Variants in ARID4B observed in about 807,000 individuals in gnomAD.
ARID4B encodes AT-rich interactive domain-containing protein 4B.
ARID4B carries 26 observed loss-of-function variants against 147.5 expected under a neutral mutation model. The ratio of observed to expected loss-of-function variants is 0.18; its 90% CI spans 0.13 to 0.24. ARID4B has a LOEUF of 0.24. Ranked by LOEUF, ARID4B falls within the 10% of genes least tolerant of loss-of-function variation. The pLI, the probability that ARID4B is intolerant of heterozygous loss-of-function variation, is 1.00. For missense variants in ARID4B, 1,179 were observed against 1,511.5 expected, an observed-to-expected ratio of 0.78 and a Z score of 3.65; for synonymous variants, 512 against 507.9, an observed-to-expected ratio of 1.01 and a Z score of -0.11.
chr1:235,192,830 G>A (rs541287540), intron 19 of ARID4B, among the ~76,000 whole-genome samples: 2 of 152,270 alleles, frequency 1.3e-5, no homozygotes, highest in African/African-American at 4.8e-5. Flanking sequence ...GTCAGGCCAG[G>A]CGCGGTGGCT....
In ARID4B at chr1:235,261,430, G is replaced by T. The variant is rs182331986; in HGVS notation, c.7-678C>A. 5.7e-3 allele frequency among the ~76,000 whole-genome samples: 864 copies of T among 152,218 alleles called. 13 individuals carry two copies. Among genetic ancestry groups the T allele is most frequent in the African/African-American group, 0.02 (826 of 41,546 alleles). ...TCCTAGCTACTTGGGAGACTGAAGTGGGAGGAGTGCTTGAGCCCAAGAGGT... is the reference window on the plus strand; with the variant it reads ...TCCTAGCTACTTGGGAGACTGAAGTTGGAGGAGTGCTTGAGCCCAAGAGGT... On this transcript the variant is annotated intron_variant, in intron 2 of 23. Transcript: ENST00000264183.
intron 2 of ARID4B, among the ~76,000 whole-genome samples, chr1:235,288,010 A>ATGT (rs1672097212): frequency 6.6e-6 from 1 of 152,214 alleles, no homozygotes; most frequent in Non-Finnish European, 1.5e-5. Context: ...TGTAAAAATA[A>ATGT]TAAAACATTA....
intron 2 of ARID4B, among the ~76,000 whole-genome samples, chr1:235,307,100 A>G (rs1205322221): frequency 6.6e-6 from 1 of 152,174 alleles, no homozygotes; most frequent in Non-Finnish European, 1.5e-5. Context: ...AAAAAATTAT[A>G]ATGGGGGAAG....
intron 2 of ARID4B, among the ~76,000 whole-genome samples, chr1:235,315,322 T>G (rs1339429292): frequency 1.3e-5 from 2 of 152,156 alleles, no homozygotes; most frequent in African/African-American, 2.4e-5. Flanking sequence ...CTCAGCTACT[T>G]GGGTGACTGA....
chr1:235,263,960 C>G (rs1186987635), intron 2 of ARID4B, among the ~76,000 whole-genome samples: 1 of 151,580 alleles, frequency 6.6e-6, no homozygotes, highest in Non-Finnish European at 1.5e-5. Context: ...TGCCACTGCA[C>G]TCCAGCCTGG....
intron 6 of ARID4B, among the ~76,000 whole-genome samples, chr1:235,250,066 C>T (rs957759332): frequency 6.6e-6 from 1 of 151,972 alleles, no homozygotes; most frequent in Non-Finnish European, 1.5e-5. Flanking sequence ...GAGATCGCAC[C>T]ACTGCACTCC....
chr1:235,219,486 G>A (rs1382614217), intron 16 of ARID4B, among the ~76,000 whole-genome samples: 1 of 151,994 alleles, frequency 6.6e-6, no homozygotes, highest in Non-Finnish European at 1.5e-5. Flanking sequence ...TATAAAACAT[G>A]GACATAGCCC....
intron 20 of ARID4B, among the ~76,000 whole-genome samples, chr1:235,178,791 T>C (rs1664067105): frequency 6.6e-6 from 1 of 152,198 alleles, no homozygotes; most frequent in African/African-American, 2.4e-5. Context: ...ACCTTCTGTG[T>C]ATAAAACCTA....
At chr1:235,283,317 C>A (rs1671780825) in intron 2 of ARID4B, among the ~76,000 whole-genome samples, 2 of 151,858 alleles carry the variant, frequency 1.3e-5, no homozygotes, top group Admixed American at 1.3e-4. Flanking sequence ...AACTTAACAC[C>A]CTCTTAAAAA....
intron 2 of ARID4B, among the ~76,000 whole-genome samples, chr1:235,323,666 T>C (rs1378737195): frequency 6.6e-6 from 1 of 151,306 alleles, no homozygotes; most frequent in Non-Finnish European, 1.5e-5. Context: ...TGCCTATAAT[T>C]CCAGTTACTC....
intron 2 of ARID4B, among the ~76,000 whole-genome samples, chr1:235,297,940 C>T (rs966494432): frequency 2.2e-4 from 33 of 152,104 alleles, no homozygotes; most frequent in African/African-American, 7.7e-4. Context: ...CTAATGTAAA[C>T]GAACAAATTG....
At chr1:235,210,563 G>T (rs181126377) in intron 17 of ARID4B, among the ~76,000 whole-genome samples, 14 of 152,242 alleles carry the variant, frequency 9.2e-5, no homozygotes, top group Admixed American at 9.1e-4. Context: ...ATTGCAGAAA[G>T]AAATAAAATA....
chr1:235,299,622 C>T (rs1161241713), intron 2 of ARID4B, among the ~76,000 whole-genome samples: 1 of 152,212 alleles, frequency 6.6e-6, no homozygotes, highest in Non-Finnish European at 1.5e-5. Flanking sequence ...GAAACAAATG[C>T]TTCTTGCCTA....
intron 2 of ARID4B, among the ~76,000 whole-genome samples, chr1:235,264,545 T>C (rs1275809664): frequency 1.3e-5 from 2 of 152,236 alleles, no homozygotes; most frequent in East Asian, 1.9e-4. Context: ...CTAGATGAGT[T>C]TTTGTAGGCT....
rs1460122127 is a variant in ARID4B at position 235,181,764 on chromosome 1, G to C, written c.3155C>G (p.Ala1052Gly). ...ACTTCGAACCTCTTCTTGGTTTGGA[G>C]CCAGTGGTTCTGATACTGTTACAGA... ...QSSVTVSEPL[A>G]PNQEEVRSIK... The change falls in exon 20 of 24, where the codon GCT (alanine) becomes GGT (glycine). Residue 1052 changes from alanine to glycine, a missense_variant. Physicochemically the swap from Ala to Gly is moderately conservative, Grantham distance 60. Transcript: ENST00000264183. 6 of 1,614,042 alleles carry C rather than the reference G, an allele frequency of 3.7e-6. No individual in the cohort carries two copies. The highest frequency in any genetic ancestry group is 5.1e-6 in the Non-Finnish European group (6 of 1,180,040).
chr1:235,238,676 G>A (rs1248834027), intron 8 of ARID4B, among the ~76,000 whole-genome samples: 5 of 152,032 alleles, frequency 3.3e-5, no homozygotes, highest in Non-Finnish European at 7.4e-5. Context: ...GGCAGCATAG[G>A]GAGACCTCGT....
rs1483426691 is a variant in ARID4B, at chr1:235,213,868, C to T, written c.1742G>A (p.Arg581Gln). ...PGMKVQVRYG[R>Q]GKNQKMYEAS... ...TTCATACATTTTTTGATTTTTCCCT[C>T]GTCCATACCGCACTTGGACTTTCAT... Residue 581 changes from arginine to glutamine, a missense_variant, in exon 17 of 24, where the codon CGA becomes CAA. By Grantham distance (43) the Arg-to-Gln change is conservative (BLOSUM62 1). Transcript: ENST00000264183. 3 of 1,614,092 alleles carry T rather than the reference C, an allele frequency of 1.9e-6. No homozygotes were observed. The highest frequency in any genetic ancestry group is 2.2e-5 in the East Asian group (1 of 44,878).
In ARID4B at chr1:235,206,321, G is replaced by A. The variant is rs528850132; in HGVS notation, c.1841+7448C>T. 9.9e-5 allele frequency among the ~76,000 whole-genome samples: 15 copies of A among 152,246 alleles called. No homozygotes were observed. In the South Asian group the frequency reaches 3.1e-3, roughly 32 times the overall value. The stretch of plus-strand genomic sequence containing the variant: ...GATGAAGAAAAAAAGAAAAGGAGGG[G>A]GAGGAGAGTTGAAGGGAAAGAATTT... On this transcript the variant is annotated intron_variant, in intron 17 of 23. Coordinates refer to ENST00000264183, the MANE Select transcript of ARID4B (RefSeq NM_016374.6).
intron 2 of ARID4B, among the ~76,000 whole-genome samples, chr1:235,272,962 TA>T (rs1212707409): frequency 6.6e-6 from 1 of 152,192 alleles, no homozygotes; most frequent in Non-Finnish European, 1.5e-5. Flanking sequence ...AGAAGAATGA[TA>T]GGGGCATTGG....
Sources: gnomAD v4.1 joint callset for allele counts (sites outside exome capture counted in the v4.1 genomes callset) on GRCh38, gnomAD v4.1.1 for gene constraint, MANE v1.5 for transcripts, NCBI Gene and HGNC (gene_info 2026-07-23, HGNC 2026-07-21) for gene names.